Variants in LRP2 observed in about 807,000 individuals in gnomAD.
The protein encoded by LRP2 is low-density lipoprotein receptor-related protein 2.
Under a neutral mutation model 531.0 loss-of-function variants are expected in LRP2, and 172 were observed. That is an observed-to-expected ratio of 0.32 (90% CI 0.29 to 0.37). The LOEUF (loss-of-function observed/expected upper bound fraction) is 0.37. LRP2 is among the 10% of genes least tolerant of loss of function. The pLI is 1.00. For synonymous variants in LRP2, 1,992 were observed against 2,027.6 expected (o/e 0.98, Z 0.47); for missense variants, 5,167 against 5,868.3 (o/e 0.88, Z 3.90).
At position 169,185,991 on chromosome 2, in the gene LRP2, G is replaced by T; in HGVS notation, c.9357C>A (p.Ile3119=). 1 of 1,613,784 alleles carries T rather than the reference G, an allele frequency of 6.2e-7. No homozygotes were observed. The highest frequency in any genetic ancestry group is 1.1e-5 in the South Asian group (1 of 91,022). Residue 3119 remains isoleucine, a synonymous_variant, in exon 50 of 79, where the codon ATC becomes ATA. Transcript: ENST00000649046. ...CGINECHDPS[I]SGCDHNCTDT... ...CTGTGCAGTTGTGATCGCAGCCACT[G>T]ATTGAAGGGTCATGGCATTCATTAA...
chr2:169,320,359 T>C (rs1684876382), intron 2 of LRP2, among the ~76,000 whole-genome samples: 2 of 152,230 alleles, frequency 1.3e-5, no homozygotes, highest in Non-Finnish European at 2.9e-5. Flanking sequence ...TTCTACATCC[T>C]TTACATAAAA....
intron 22 of LRP2, 127 bp from the exon 23 acceptor site, chr2:169,243,649 A>G (rs565184301): frequency 1.8e-6 from 2 of 1,087,656 alleles, no homozygotes; most frequent in African/African-American, 3.1e-5. Flanking sequence ...ATTCTTTTGA[A>G]TCAGCCACAC....
chr2:169,214,700 T>C (rs187354763), intron 35 of LRP2, among the ~76,000 whole-genome samples: 2 of 152,288 alleles, frequency 1.3e-5, no homozygotes, highest in East Asian at 3.9e-4. Context: ...CCAGATTAGC[T>C]GAGCAACCTC....
In LRP2 at chr2:169,231,619, A is replaced by C. The variant is rs949833202; in HGVS notation, c.5227+95T>G. On this transcript the variant is annotated intron_variant, in intron 31 of 78. Transcript: ENST00000649046. ...CACCTGAGGAATCAAAGGACACAGC[A>C]CATGTTCAGTCGCAATTGGTTTTAG... 18 of 1,465,068 alleles carry C rather than the reference A, an allele frequency of 1.2e-5. No homozygotes were observed. In the African/African-American group the frequency reaches 2.4e-4, roughly 19 times the overall value. The allele number at this position is 1,465,068 out of a possible 1,614,324, so 90.8% of individuals were successfully genotyped here. A position where few individuals can be genotyped will look rare whatever the true frequency, so the allele number is the denominator to read the frequency against.
At chr2:169,192,289 T>C (rs1372647774) in intron 47 of LRP2, among the ~76,000 whole-genome samples, 4 of 152,190 alleles carry the variant, frequency 2.6e-5, no homozygotes, top group Non-Finnish European at 5.9e-5. Flanking sequence ...ATAAAATACA[T>C]TAGAATGGTC....
chr2:169,283,875 A>G (rs564024115), intron 9 of LRP2, among the ~76,000 whole-genome samples: 40 of 152,288 alleles, frequency 2.6e-4, no homozygotes, highest in Admixed American at 5.9e-4. Context: ...GGAGGGGAGA[A>G]CACAACAAAA....
intron 77 of LRP2, among the ~76,000 whole-genome samples, chr2:169,129,387 G>C (rs1426677143): frequency 6.6e-6 from 1 of 152,168 alleles, no homozygotes; most frequent in African/African-American, 2.4e-5. Flanking sequence ...TCAGTACAGA[G>C]AGAACACATA....
chr2:169,182,667 T>C (rs889654465), intron 50 of LRP2: 50 of 984,628 alleles, frequency 5.1e-5, no homozygotes, highest in Non-Finnish European at 5.5e-5. Context: ...GAGGTGAGTA[T>C]CATGAATTAC....
At position 169,173,930 on chromosome 2, in the gene LRP2, A is replaced by G. The variant is rs772279671; in HGVS notation, c.11003T>C (p.Ile3668Thr). The change falls in exon 56 of 79, where the codon ATT becomes ACT. Residue 3668 changes from isoleucine to threonine, a missense_variant. By Grantham distance (89) the Ile-to-Thr change is moderately conservative (BLOSUM62 -1). Transcript: ENST00000649046. The stretch of plus-strand genomic sequence containing the variant: ...CCACAGGAACTTACTGCATTCTTCA[A>G]TGGGCTCATCCGAGTGGTCTCCACA... ...NDCGDHSDEP[I>T]EECMSSAHLC... 1.7e-5 allele frequency: 28 copies of G among 1,614,006 alleles called. No homozygotes were observed. The highest frequency in any genetic ancestry group is 3.3e-5 in the Admixed American group (2 of 60,010).
rs778681401 is a variant in LRP2, at chr2:169,188,028, C to T, written c.9270G>A (p.Met3090Ile). Reference sequence around the variant, plus strand: ...CATCTAGGTGGTTGCAGAGTTTCATCATCTCGATGCAGCGCCCATTGTCAC... The same window carrying T: ...CATCTAGGTGGTTGCAGAGTTTCATTATCTCGATGCAGCGCCCATTGTCAC... ...FKCDNGRCIE[M>I]MKLCNHLDDC... The change falls in exon 49 of 79, where the codon ATG becomes ATA. Residue 3090 changes from methionine (M) to isoleucine (I), a missense_variant. Physicochemically the swap from Met to Ile is conservative, Grantham distance 10. Coordinates refer to ENST00000649046, the MANE Select transcript of LRP2 (RefSeq NM_004525.3). 1 of 1,614,148 alleles carries T rather than the reference C, an allele frequency of 6.2e-7. No homozygotes were observed. The highest frequency in any genetic ancestry group is 2.2e-5 in the East Asian group (1 of 44,878).
chr2:169,178,984 GATTTATTTATTTATTT>G (rs3083236), intron 52 of LRP2, among the ~76,000 whole-genome samples: 11 of 146,096 alleles, frequency 7.5e-5, no homozygotes, highest in Middle Eastern at 3.5e-3. Flanking sequence ...GTCACCATCT[GATTTATTTATTTATTT>G]ATTTATTTAT....
In LRP2 at chr2:169,128,200, G is replaced by A. The variant is rs535781944; in HGVS notation, c.*463C>T. 2.2e-5 allele frequency: 4 copies of A among 180,638 alleles called. No individual in the cohort carries two copies. The highest frequency in any genetic ancestry group is 3.2e-4 in the East Asian group (2 of 6,348). The allele number at this position is 180,638 out of a possible 1,614,324, so 11.2% of individuals were successfully genotyped here. A position where few individuals can be genotyped will look rare whatever the true frequency, so the allele number is the denominator to read the frequency against. ...TTGAACATTAATTAAGTGCTAATGT[G>A]TAAAAATGGACCCAAGAGCGGGGCC... On this transcript the variant is annotated 3_prime_UTR_variant, in exon 79 of 79. Transcript: ENST00000649046.
chr2:169,179,231 T>C (rs1162731018), intron 52 of LRP2, among the ~76,000 whole-genome samples: 7 of 152,064 alleles, frequency 4.6e-5, no homozygotes, highest in Non-Finnish European at 7.4e-5. Flanking sequence ...GGTCTTGAAC[T>C]CCTGAGTTCA....
intron 23 of LRP2, 103 bp downstream of exon 23, chr2:169,243,300 C>G (rs1689879057): frequency 7.1e-7 from 1 of 1,402,108 alleles, no homozygotes; most frequent in Non-Finnish European, 1.0e-6. Context: ...CCCCACCCCC[C>G]AACAGGCCCC....
intron 1 of LRP2, among the ~76,000 whole-genome samples, chr2:169,334,287 A>T (rs2105544352): frequency 6.6e-6 from 1 of 152,328 alleles, no homozygotes; most frequent in South Asian, 2.1e-4. Flanking sequence ...AAATATATAC[A>T]ATAAAATCTC....
rs779725756 is a variant in LRP2, at chr2:169,185,063, T to A, written c.9845+440A>T. ...GGCGTGAGCCACTGCCCCCGGCCAA[T>A]GACAAGTATTGTAAGCAAGGCTATG... On this transcript the variant is annotated intron_variant, in intron 50 of 78. Transcript: ENST00000649046. Among the ~76,000 whole-genome samples, 8 of 152,264 alleles carry A rather than the reference T, an allele frequency of 5.3e-5. No homozygotes were observed. In the Middle Eastern group the frequency reaches 0.01, roughly 194 times the overall value.
intron 17 of LRP2, 71 bp from the exon 18 acceptor site, chr2:169,257,320 C>T: frequency 1.3e-6 from 2 of 1,506,838 alleles, no homozygotes; most frequent in Non-Finnish European, 1.8e-6. Context: ...AGATTTAGAA[C>T]AAACAGAGAT....
intron 16 of LRP2, among the ~76,000 whole-genome samples, chr2:169,261,256 T>C (rs1343756181): frequency 1.3e-5 from 2 of 151,840 alleles, no homozygotes; most frequent in Non-Finnish European, 2.9e-5. Context: ...AAAAGAGAAT[T>C]TGGAAAAAAG....
At chr2:169,315,053 G>A (rs755180106) in intron 3 of LRP2, among the ~76,000 whole-genome samples, 217 of 152,136 alleles carry the variant, frequency 1.4e-3, no homozygotes, top group Non-Finnish European at 2.3e-3. Context: ...TTGTGCTTAG[G>A]TTTTCAAAGG....
Sources: gnomAD v4.1 joint callset for allele counts (sites outside exome capture counted in the v4.1 genomes callset) on GRCh38, gnomAD v4.1.1 for gene constraint, MANE v1.5 for transcripts, NCBI Gene and HGNC (gene_info 2026-07-23, HGNC 2026-07-21) for gene names.